Variants in RGP1 observed in about 807,000 individuals in gnomAD.
RGP1 encodes the protein RGP1 partner of RAB6A GEF complex, also known as RAB6A-GEF complex partner protein 2.
In RGP1, 28 loss-of-function variants were observed where a neutral mutation model predicts 44.5. The observed-to-expected ratio is 0.63, with a 90% confidence interval of 0.47 to 0.86. The LOEUF (loss-of-function observed/expected upper bound fraction) is 0.86. RGP1 is among the 40% of genes least tolerant of loss of function. RGP1 has a pLI of 0.00. For synonymous variants in RGP1, 212 were observed against 196.7 expected (o/e 1.08, Z -0.65); for missense variants, 417 against 490.7 (o/e 0.85, Z 1.42).
Position 35,754,235 on chromosome 9 carries a change from T to G in RGP1, c.*1361T>G. 5 of 1,420,430 alleles carry G rather than the reference T, an allele frequency of 3.5e-6. No individual in the cohort carries two copies. Among genetic ancestry groups the G allele is most frequent in the Non-Finnish European group, 4.7e-6 (5 of 1,054,070 alleles). 88.0% of individuals were successfully genotyped at this position (1,420,430 alleles called of 1,614,324 possible). A position where few individuals can be genotyped will look rare whatever the true frequency, so the allele number is the denominator to read the frequency against. ...TGCTCCTTGAGTCTTAGTTTCTGTC[T>G]TTCTCCCCTGGGCTCCTGTCTCACA... is the stretch of plus-strand genomic sequence containing the variant. On this transcript the variant is annotated 3_prime_UTR_variant, in exon 9 of 9. Transcript: ENST00000378078.
chr9:35,780,631 G>A, the RGP1 span: 3 of 152,252 alleles, frequency 2.0e-5, no homozygotes, highest in South Asian at 2.1e-4. Context: ...AGCACTTTGG[G>A]AGGATGAGGA....
chr9:35,760,950 C>T (rs1827411486), downstream of RGP1, among the ~76,000 whole-genome samples: 1 of 152,222 alleles, frequency 6.6e-6, no homozygotes, highest in South Asian at 2.1e-4. Context: ...ATTATGCTGG[C>T]TTGCTTTCTC....
rs1459536025 is a variant in RGP1 at position 35,753,806 on chromosome 9, G to T, written c.*932G>T. 1 of 1,575,854 alleles carries T rather than the reference G, an allele frequency of 6.3e-7. No individual in the cohort carries two copies. The highest frequency in any genetic ancestry group is 1.1e-5 in the South Asian group (1 of 89,928). ...GGGAAATGTTAGTAGGTGTAGGAGTGCTGATGAGAGGCAGAGGCTCTTCTG... is the reference window on the plus strand; with the variant it reads ...GGGAAATGTTAGTAGGTGTAGGAGTTCTGATGAGAGGCAGAGGCTCTTCTG... On this transcript the variant is annotated 3_prime_UTR_variant, in exon 9 of 9. Transcript: ENST00000378078. This position sits in a 1 kb window ranked among gnomAD's most constrained non-coding sequence, Gnocchi z 4.2.
Position 35,753,188 on chromosome 9 carries a change from C to T in RGP1, c.*314C>T, listed in dbSNP as rs150505941. On this transcript the variant is annotated 3_prime_UTR_variant, in exon 9 of 9. Coordinates refer to ENST00000378078, the MANE Select transcript of RGP1 (RefSeq NM_001080496.3). This position sits in a 1 kb window ranked among gnomAD's most constrained non-coding sequence, Gnocchi z 4.2. Reference sequence around the variant, plus strand: ...AGGCCCTCCCCCTTTGCAGGGCAGCCGAGGGTCAGATTTTTGCACCAAGGA... The same window carrying T: ...AGGCCCTCCCCCTTTGCAGGGCAGCTGAGGGTCAGATTTTTGCACCAAGGA... 97 of 1,613,962 alleles carry T rather than the reference C, an allele frequency of 6.0e-5. No homozygotes were observed. Among genetic ancestry groups the T allele is most frequent in the Admixed American group, 6.7e-5 (4 of 60,002 alleles).
At chr9:35,763,694 C>A in the RGP1 span, among the ~76,000 whole-genome samples, 1 of 151,948 alleles carries the variant, frequency 6.6e-6, no homozygotes, top group African/African-American at 2.4e-5. Context: ...CCAGCCTGGC[C>A]AACATGGCGA....
chr9:35,763,548 T>G (rs1827436830), downstream of RGP1, among the ~76,000 whole-genome samples: 1 of 152,168 alleles, frequency 6.6e-6, no homozygotes, highest in Non-Finnish European at 1.5e-5. Context: ...ATGCATGCAT[T>G]TTTTAAAACA....
chr9:35,769,150 G>A, the RGP1 span, among the ~76,000 whole-genome samples: 5 of 152,246 alleles, frequency 3.3e-5, no homozygotes, highest in African/African-American at 4.8e-5. Flanking sequence ...GGGGCACTGC[G>A]TGCCCATGTG....
At chr9:35,779,833 C>G in the RGP1 span, among the ~76,000 whole-genome samples, 2 of 152,130 alleles carry the variant, frequency 1.3e-5, no homozygotes, top group Admixed American at 6.5e-5. Context: ...CTCTTGGGCA[C>G]AAGTGATCCT....
Position 35,752,047 on chromosome 9 carries a change from C to T in RGP1, c.854C>T (p.Thr285Ile). 1.2e-6 allele frequency: 2 copies of T among 1,611,556 alleles called. No homozygotes were observed. Among genetic ancestry groups the T allele is most frequent in the East Asian group, 2.2e-5 (1 of 44,874 alleles). Residue 285 changes from threonine (T) to isoleucine (I), a missense_variant, in exon 8 of 9, where the codon ACT becomes ATT. By Grantham distance (89) the Thr-to-Ile change is moderately conservative (BLOSUM62 -1). Transcript: ENST00000378078. ...GGTGTCCCCTCTGTGTCACATGTGACTCACGCCCGGCACCAGGAATCCTGC... is the reference window on the plus strand; with the variant it reads ...GGTGTCCCCTCTGTGTCACATGTGATTCACGCCCGGCACCAGGAATCCTGC... ...AGGVPSVSHVTHARHQESCLH... is the reference protein window; with the variant it reads ...AGGVPSVSHVIHARHQESCLH...
the RGP1 span, among the ~76,000 whole-genome samples, chr9:35,787,093 C>CT: frequency 7.1e-6 from 1 of 141,612 alleles, no homozygotes; most frequent in Non-Finnish European, 1.5e-5. Context: ...GTGTAAGACT[C>CT]TGTCAAAAAA....
chr9:35,760,211 C>T (rs1394983983), downstream of RGP1, among the ~76,000 whole-genome samples: 1 of 151,846 alleles, frequency 6.6e-6, no homozygotes, highest in Non-Finnish European at 1.5e-5. Flanking sequence ...GCATTGTGAC[C>T]TAAACTGTGT....
chr9:35,787,978 T>C, the RGP1 span, among the ~76,000 whole-genome samples: 1 of 152,242 alleles, frequency 6.6e-6, no homozygotes, highest in South Asian at 2.1e-4. Context: ...TCTGTAGGCC[T>C]GGGAGGCATG....
chr9:35,751,476 C>T lies in RGP1; in HGVS notation c.634+64C>T, dbSNP rs1301789248. The T allele has an allele frequency of 5.6e-6, 9 of 1,606,008 alleles. No homozygotes were observed. The South Asian group carries it at 6.6e-5, about 12-fold the overall frequency. On this transcript the variant is annotated intron_variant, in intron 6 of 8. Coordinates refer to ENST00000378078, the MANE Select transcript of RGP1 (RefSeq NM_001080496.3). ...CCTCATTGTTTTCCCATCTCAGAGA[C>T]AGTCTCCTAACCACCACACACTTCT...
Position 35,749,388 on chromosome 9 carries a change from C to A in RGP1, c.-40C>A. The A allele has an allele frequency of 1.8e-6, 1 of 549,908 alleles. No individual in the cohort carries two copies. The highest frequency in any genetic ancestry group is 3.7e-6 in the Non-Finnish European group (1 of 270,242). 34.1% of individuals were successfully genotyped at this position (549,908 alleles called of 1,614,324 possible). On this transcript the variant is annotated 5_prime_UTR_variant, in exon 1 of 9. Coordinates refer to ENST00000378078, the MANE Select transcript of RGP1 (RefSeq NM_001080496.3). This position sits in a 1 kb window ranked among gnomAD's most constrained non-coding sequence, Gnocchi z 4.4. ...GCAGATGAGGCCTAGGGGTGCCGATCCCTAGTGTCGACTATGCGAGGTGAC... is the reference window on the plus strand; with the variant it reads ...GCAGATGAGGCCTAGGGGTGCCGATACCTAGTGTCGACTATGCGAGGTGAC...
At chr9:35,750,783 C>T in intron 4 of RGP1, 42 bp downstream of exon 4, 1 of 1,613,964 alleles carries the variant, frequency 6.2e-7, no homozygotes, top group Non-Finnish European at 8.5e-7. Flanking sequence ...TCTAAGTCTC[C>T]TGGAGGGAGG....
At chr9:35,760,259 G>C (rs1827407396), downstream of RGP1, among the ~76,000 whole-genome samples, 1 of 151,860 alleles carries the variant, frequency 6.6e-6, no homozygotes, top group Non-Finnish European at 1.5e-5. Context: ...GATGGGCGGG[G>C]TGGGGGGCCA....
the RGP1 span, among the ~76,000 whole-genome samples, chr9:35,765,856 A>G: frequency 9.1e-5 from 13 of 143,288 alleles, no homozygotes; most frequent in Non-Finnish European, 1.2e-4. Flanking sequence ...TTTTTATGAG[A>G]CAGAGTTTCG....
chr9:35,756,492 C>T lies in RGP1; in HGVS notation c.*3618C>T, dbSNP rs1424732034. On this transcript the variant is annotated 3_prime_UTR_variant, in exon 9 of 9. Coordinates refer to ENST00000378078, the MANE Select transcript of RGP1 (RefSeq NM_001080496.3). ...GTTTCAGAGGATTGCCAAGAAAAAACTCACAGTTGAGGCAGGGTGCTCTGA... is the reference window on the plus strand; with the variant it reads ...GTTTCAGAGGATTGCCAAGAAAAAATTCACAGTTGAGGCAGGGTGCTCTGA... 1 of 152,620 alleles carries T rather than the reference C, an allele frequency of 6.6e-6. No individual in the cohort carries two copies. The highest frequency in any genetic ancestry group is 1.5e-5 in the Non-Finnish European group (1 of 68,338). 9.5% of individuals were successfully genotyped at this position (152,620 alleles called of 1,614,324 possible). A position where few individuals can be genotyped will look rare whatever the true frequency, so the allele number is the denominator to read the frequency against.
At chr9:35,759,430 C>T (rs547772168), downstream of RGP1, among the ~76,000 whole-genome samples, 7 of 151,694 alleles carry the variant, frequency 4.6e-5, no homozygotes, top group East Asian at 1.9e-4. Flanking sequence ...GGTGTGGTGG[C>T]GCGTTCCTGT....
Sources: gnomAD v4.1 joint callset for allele counts (sites outside exome capture counted in the v4.1 genomes callset) on GRCh38, gnomAD v4.1.1 for gene constraint, Gnocchi (gnomAD v3.1) non-coding constraint, MANE v1.5 for transcripts, NCBI Gene and HGNC (gene_info 2026-07-23, HGNC 2026-07-21) for gene names.